RARB: variants seen among roughly 807,000 people sequenced by gnomAD.
RARB encodes retinoic acid receptor beta, also known as HBV-activated protein.
RARB carries 17 observed loss-of-function variants against 51.9 expected under a neutral mutation model. The ratio of observed to expected loss-of-function variants is 0.33; its 90% CI spans 0.22 to 0.49. RARB has a LOEUF of 0.49. Ranked by LOEUF, RARB falls within the 20% of genes least tolerant of loss-of-function variation. RARB has a pLI of 0.99. For synonymous variants in RARB, 215 were observed against 195.4 expected, an observed-to-expected ratio of 1.10 and a Z score of -0.84; for missense variants, 369 against 550.8, an observed-to-expected ratio of 0.67 and a Z score of 3.30.
Position 25,297,232 on chromosome 3 carries a change from A to AT in RARB, c.178+122658dup, listed in dbSNP as rs574010485. Among the ~76,000 whole-genome samples the AT allele has an allele frequency of 2.6e-5, 4 of 152,270 alleles. No individual in the cohort carries two copies. The South Asian group carries it at 8.3e-4, about 32-fold the overall frequency. On this transcript the variant is annotated intron_variant, in intron 5 of 11. Transcript: ENST00000383772. ...TCAAATGGTTAACAAATAACTCAGG[A>AT]TAAAGTAAGGGAATTAAGGTCTAGA...
intron 4 of RARB, among the ~76,000 whole-genome samples, chr3:25,579,660 C>G (rs1285473900): frequency 6.6e-6 from 1 of 152,210 alleles, no homozygotes; most frequent in Non-Finnish European, 1.5e-5. Context: ...ATAGATTTCT[C>G]TCTCCACTTG....
At chr3:25,375,025 C>G (rs79145553) in intron 5 of RARB, among the ~76,000 whole-genome samples, 1 of 152,074 alleles carries the variant, frequency 6.6e-6, no homozygotes, top group Admixed American at 6.6e-5. Context: ...CTCAGAATAG[C>G]CTTTACTGAA....
rs540924545 is a variant in RARB, at chr3:25,078,665, G to A, written c.-328+18489G>A. Among the ~76,000 whole-genome samples the A allele has an allele frequency of 3.9e-5, 6 of 151,938 alleles. No homozygotes were observed. In the South Asian group the frequency reaches 1.2e-3, roughly 32 times the overall value. On this transcript the variant is annotated intron_variant, in intron 3 of 11. Coordinates refer to the RARB transcript ENST00000383772. ...GATTCTCCTGCCTCACCCAGTAGCT[G>A]GGATTACAGGCATCCGCCACCACGC...
At chr3:25,077,815 T>A (rs1698906202) in intron 3 of RARB, among the ~76,000 whole-genome samples, 1 of 152,196 alleles carries the variant, frequency 6.6e-6, no homozygotes, top group African/African-American at 2.4e-5. Flanking sequence ...CTGTGATGAA[T>A]AAGAGCTTTG....
rs1386948051 is a variant in RARB, at chr3:25,461,239, C to T, written c.204C>T (p.Pro68=). The T allele has an allele frequency of 1.2e-6, 2 of 1,614,002 alleles. No homozygotes were observed. Among genetic ancestry groups the T allele is most frequent in the African/African-American group, 1.3e-5 (1 of 75,012 alleles). ...GCTCTGAGGAACTCGTCCCAAGCCC[C>T]CCATCTCCACTTCCTCCCCCTCGAG... ...STSSEELVPS[P]PSPLPPPRVY... Residue 68 remains proline (P), a synonymous_variant, in exon 2 of 8, where the codon CCC becomes CCT. Coordinates refer to ENST00000330688, the MANE Select transcript of RARB (RefSeq NM_000965.5).
intron 3 of RARB, among the ~76,000 whole-genome samples, chr3:25,108,856 T>C (rs1026306522): frequency 1.3e-5 from 2 of 152,214 alleles, no homozygotes; most frequent in African/African-American, 4.8e-5. Flanking sequence ...ATTAGTCTCA[T>C]TGTGTCATAG....
At chr3:24,954,148 A>G (rs1343327742) in intron 2 of RARB, among the ~76,000 whole-genome samples, 3 of 152,184 alleles carry the variant, frequency 2.0e-5, no homozygotes, top group African/African-American at 4.8e-5. Context: ...TGGGAATTAT[A>G]GAAATTCTAA....
chr3:25,128,168 C>A (rs1019688429), intron 3 of RARB, among the ~76,000 whole-genome samples: 3 of 151,996 alleles, frequency 2.0e-5, no homozygotes, highest in African/African-American at 7.2e-5. Flanking sequence ...ACAAGGACAG[C>A]AGAATCACTG....
chr3:25,380,011 G>A (rs1056032057), intron 5 of RARB, among the ~76,000 whole-genome samples: 6 of 152,072 alleles, frequency 3.9e-5, no homozygotes, highest in Non-Finnish European at 8.8e-5. Context: ...CTGCATGACT[G>A]GAAAATTCAT....
intron 2 of RARB, among the ~76,000 whole-genome samples, chr3:24,869,430 AT>A (rs1702905853): frequency 6.6e-6 from 1 of 152,128 alleles, no homozygotes; most frequent in African/African-American, 2.4e-5. Flanking sequence ...TAAAACACTT[AT>A]TTTCTTTTGA....
chr3:25,037,685 A>C (rs1698025561), intron 2 of RARB, among the ~76,000 whole-genome samples: 1 of 152,094 alleles, frequency 6.6e-6, no homozygotes, highest in African/African-American at 2.4e-5. Flanking sequence ...AAGCAAGCTG[A>C]AGAGCAAGTG....
At chr3:24,883,378 G>GTGTGTGTGTGTA (rs1703209297) in intron 2 of RARB, among the ~76,000 whole-genome samples, 1 of 150,664 alleles carries the variant, frequency 6.6e-6, no homozygotes, top group Admixed American at 6.6e-5. Context: ...GTGTGTGTGT[G>GTGTGTGTGTGTA]TGTGTGTGTG....
At chr3:25,308,945 A>AATGT (rs1704218094) in intron 5 of RARB, among the ~76,000 whole-genome samples, 4 of 152,086 alleles carry the variant, frequency 2.6e-5, no homozygotes, top group African/African-American at 9.7e-5. Flanking sequence ...ATCATTCTAG[A>AATGT]AGTTATATTT....
intron 2 of RARB, among the ~76,000 whole-genome samples, chr3:24,973,617 T>C (rs1029736911): frequency 3.3e-5 from 5 of 152,110 alleles, no homozygotes; most frequent in African/African-American, 9.6e-5. Context: ...TTTTTGCATG[T>C]CTTCAATGTC....
At chr3:25,175,579 T>C (rs1388913032) in intron 5 of RARB, among the ~76,000 whole-genome samples, 3 of 152,240 alleles carry the variant, frequency 2.0e-5, no homozygotes, top group Non-Finnish European at 2.9e-5. Flanking sequence ...GAGCTTGTTC[T>C]ACCTAAGTAG....
At chr3:25,508,719 C>T (rs372347919) in intron 3 of RARB, among the ~76,000 whole-genome samples, 16 of 152,236 alleles carry the variant, frequency 1.1e-4, no homozygotes, top group East Asian at 9.7e-4. Context: ...TAACCCCCAC[C>T]TTCTCTTCTT....
intron 4 of RARB, among the ~76,000 whole-genome samples, chr3:25,161,980 A>G (rs1463681680): frequency 6.6e-6 from 1 of 152,144 alleles, no homozygotes; most frequent in Non-Finnish European, 1.5e-5. Flanking sequence ...ACAGACACAC[A>G]AGACAATCTG....
intron 3 of RARB, among the ~76,000 whole-genome samples, chr3:25,527,645 A>AAC (rs969602064): frequency 2.8e-4 from 42 of 152,162 alleles, no homozygotes; most frequent in Non-Finnish European, 5.4e-4. Context: ...GGGTAAATGA[A>AAC]ACAAAGGACA....
At chr3:25,562,970 C>T (rs1423669791) in intron 3 of RARB, among the ~76,000 whole-genome samples, 5 of 152,204 alleles carry the variant, frequency 3.3e-5, no homozygotes, top group Non-Finnish European at 7.3e-5. Flanking sequence ...TCTGATATTT[C>T]AGAGATTTTC....
Sources: allele counts gnomAD v4.1 joint callset (sites outside exome capture counted in the v4.1 genomes callset), GRCh38; gene constraint gnomAD v4.1.1; transcripts MANE v1.5; gene names NCBI Gene and HGNC (gene_info 2026-07-23, HGNC 2026-07-21).